SPIDR: variants seen among roughly 807,000 people sequenced by gnomAD.
SPIDR encodes the protein DNA repair-scaffolding protein.
In SPIDR, 93 loss-of-function variants were observed where a neutral mutation model predicts 104.6. The ratio of observed to expected loss-of-function variants is 0.89; its 90% CI spans 0.75 to 1.06. The LOEUF is 1.06. Among genes scored for constraint, SPIDR ranks in the 50% least tolerant of loss-of-function variants. The pLI, the probability that SPIDR is intolerant of heterozygous loss-of-function variation, is 0.00. For synonymous variants in SPIDR, 431 were observed against 416.9 expected (o/e 1.03, Z -0.41); for missense variants, 1,154 against 1,111.2 (o/e 1.04, Z -0.55).
chr8:47,262,914 T>A (rs2032885217), intron 1 of SPIDR, among the ~76,000 whole-genome samples: 1 of 152,256 alleles, frequency 6.6e-6, no homozygotes, highest in African/African-American at 2.4e-5. Context: ...TGACTTTCCC[T>A]TAGGCACTAC....
chr8:47,529,949 C>T (rs1402446424), intron 8 of SPIDR, among the ~76,000 whole-genome samples: 1 of 152,112 alleles, frequency 6.6e-6, no homozygotes, highest in Admixed American at 6.6e-5. Flanking sequence ...AAAGGAAGTA[C>T]AATCATATAT....
At chr8:47,436,040 G>A (rs1369060507) in intron 7 of SPIDR, among the ~76,000 whole-genome samples, 1 of 152,122 alleles carries the variant, frequency 6.6e-6, no homozygotes, top group Non-Finnish European at 1.5e-5. Context: ...GTTGTGAATC[G>A]AGTATGAGAA....
At chr8:47,691,324 A>G (rs2078623292) in intron 11 of SPIDR, among the ~76,000 whole-genome samples, 1 of 151,974 alleles carries the variant, frequency 6.6e-6, no homozygotes, top group Admixed American at 6.6e-5. Flanking sequence ...AGAAAAGAAA[A>G]AGAAAAATAT....
intron 5 of SPIDR, among the ~76,000 whole-genome samples, chr8:47,325,881 A>G (rs1214920295): frequency 2.6e-5 from 4 of 152,214 alleles, no homozygotes; most frequent in Non-Finnish European, 5.9e-5. Flanking sequence ...TAGGGGATCT[A>G]AGAGGAAGAA....
chr8:47,463,943 G>GA (rs1277942210), intron 8 of SPIDR, among the ~76,000 whole-genome samples: 1 of 152,074 alleles, frequency 6.6e-6, no homozygotes, highest in African/African-American at 2.4e-5. Flanking sequence ...TCTAAAATCA[G>GA]AAACAAGGCA....
At chr8:47,272,740 G>T (rs962106311) in intron 1 of SPIDR, among the ~76,000 whole-genome samples, 1 of 152,000 alleles carries the variant, frequency 6.6e-6, no homozygotes, top group Non-Finnish European at 1.5e-5. Flanking sequence ...CTTATCTCAC[G>T]ATTAGGAGAA....
At chr8:47,433,289 T>G (rs1554690289) in intron 7 of SPIDR, among the ~76,000 whole-genome samples, 1 of 152,148 alleles carries the variant, frequency 6.6e-6, no homozygotes, top group African/African-American at 2.4e-5. Context: ...CTAACTAGCT[T>G]CCCTACTTAA....
chr8:47,433,448 G>A (rs572365429), intron 7 of SPIDR, among the ~76,000 whole-genome samples: 66 of 149,862 alleles, frequency 4.4e-4, no homozygotes, highest in Non-Finnish European at 8.6e-4. Flanking sequence ...GAACTGATTC[G>A]ATCTTCTTTT....
chr8:47,682,748 A>T (rs1019864302), intron 11 of SPIDR, among the ~76,000 whole-genome samples: 14 of 152,192 alleles, frequency 9.2e-5, no homozygotes, highest in African/African-American at 3.4e-4. Context: ...ATAGGGGCTC[A>T]AAAAGGAGGA....
intron 16 of SPIDR, among the ~76,000 whole-genome samples, chr8:47,715,074 C>G (rs929692956): frequency 2.6e-5 from 4 of 152,126 alleles, no homozygotes; most frequent in African/African-American, 9.7e-5. Flanking sequence ...ATTCACGCCC[C>G]GTTACCACCC....
chr8:47,667,222 A>G (rs1177880387), intron 10 of SPIDR, among the ~76,000 whole-genome samples: 2 of 152,254 alleles, frequency 1.3e-5, no homozygotes, highest in East Asian at 3.9e-4. Context: ...CAGAGGTTGC[A>G]GTGACCCGAG....
intron 8 of SPIDR, among the ~76,000 whole-genome samples, chr8:47,504,991 A>C (rs1056668980): frequency 1.3e-5 from 2 of 152,034 alleles, no homozygotes; most frequent in Non-Finnish European, 2.9e-5. Context: ...GTTTCTCTGG[A>C]AGTTTTGTCT....
intron 11 of SPIDR, among the ~76,000 whole-genome samples, chr8:47,685,505 A>ATTTTTTTTTTTTTTTTTTTTTTTT (rs201735323): frequency 2.9e-5 from 3 of 104,370 alleles, no homozygotes; most frequent in Non-Finnish European, 7.2e-5. Flanking sequence ...TTATTTATTT[A>ATTTTTTTTTTTTTTTTTTTTTTTT]TTTATTTATT....
chr8:47,518,825 C>T (rs1209257171), intron 8 of SPIDR, among the ~76,000 whole-genome samples: 1 of 151,960 alleles, frequency 6.6e-6, no homozygotes, highest in Non-Finnish European at 1.5e-5. Flanking sequence ...TTAGTAAAGA[C>T]AGGGTTTCAC....
chr8:47,499,836 C>A (rs2080082507), intron 8 of SPIDR, among the ~76,000 whole-genome samples: 1 of 151,210 alleles, frequency 6.6e-6, no homozygotes, highest in East Asian at 2.0e-4. Flanking sequence ...TGTTCCCCTT[C>A]CTGTGTCCAT....
chr8:47,674,642 G>C (rs368822353), intron 11 of SPIDR, among the ~76,000 whole-genome samples: 1 of 152,136 alleles, frequency 6.6e-6, no homozygotes, highest in African/African-American at 2.4e-5. Flanking sequence ...TTAAATTATA[G>C]TAACATCTGA....
intron 8 of SPIDR, among the ~76,000 whole-genome samples, chr8:47,480,039 A>T (rs531623263): frequency 6.6e-6 from 1 of 152,356 alleles, no homozygotes; most frequent in East Asian, 1.9e-4. Flanking sequence ...AAGAAAAAGT[A>T]AAATAATATC....
At chr8:47,720,671 T>C (rs1225270435) in intron 16 of SPIDR, among the ~76,000 whole-genome samples, 1 of 152,224 alleles carries the variant, frequency 6.6e-6, no homozygotes, top group Non-Finnish European at 1.5e-5. Context: ...GTTCATTTTC[T>C]TATTGTTGAG....
chr8:47,732,119 C>T (rs2085345278), intron 19 of SPIDR: 2 of 702,392 alleles, frequency 2.8e-6, no homozygotes, highest in African/African-American at 3.5e-5. Context: ...CAATCCCCAC[C>T]CCTCTTTAGA....
Sources: allele counts gnomAD v4.1 joint callset (sites outside exome capture counted in the v4.1 genomes callset), GRCh38; gene constraint gnomAD v4.1.1; transcripts MANE v1.5; gene names NCBI Gene and HGNC (gene_info 2026-07-23, HGNC 2026-07-21).